TXNRD2: variants seen among roughly 807,000 people sequenced by gnomAD.
TXNRD2 encodes thioredoxin reductase 2.
Under a neutral mutation model 70.8 loss-of-function variants are expected in TXNRD2, and 67 were observed. The observed-to-expected ratio is 0.95, with a 90% CI of 0.78 to 1.16. TXNRD2 has a LOEUF of 1.16. TXNRD2 is among the 50% of genes most tolerant of loss of function. The pLI is 0.00. For synonymous variants in TXNRD2, 301 were observed against 295.8 expected (o/e 1.02, Z -0.18); for missense variants, 644 against 719.9 (o/e 0.89, Z 1.21).
chr22:19,940,266 A>AAC (rs35958727), intron 1 of TXNRD2, among the ~76,000 whole-genome samples: 1 of 147,894 alleles, frequency 6.8e-6, no homozygotes, highest in Non-Finnish European at 1.5e-5. Context: ...AAAAAAAAAA[A>AAC]CCCCAAAAAA....
At chr22:19,905,141 G>T (rs767237182) in intron 8 of TXNRD2, among the ~76,000 whole-genome samples, 3 of 152,006 alleles carry the variant, frequency 2.0e-5, no homozygotes, top group Non-Finnish European at 4.4e-5. Context: ...CATTAACAGC[G>T]CCGGACAAAA....
intron 2 of TXNRD2, among the ~76,000 whole-genome samples, chr22:19,925,015 T>A (rs565811044): frequency 4.1e-5 from 6 of 148,138 alleles, no homozygotes; most frequent in Admixed American, 6.7e-5. Flanking sequence ...CCAGGCATGG[T>A]GGCTCACGCC....
intron 5 of TXNRD2, among the ~76,000 whole-genome samples, chr22:19,916,951 C>G (rs1362139614): frequency 6.6e-6 from 1 of 152,162 alleles, no homozygotes; most frequent in South Asian, 2.1e-4. Context: ...AGCAAGGGTT[C>G]TGGGAAGGCT....
chr22:19,920,925 A>T (rs934071708), intron 2 of TXNRD2, among the ~76,000 whole-genome samples: 3 of 152,030 alleles, frequency 2.0e-5, no homozygotes, highest in Non-Finnish European at 4.4e-5. Flanking sequence ...ACACGGTGAA[A>T]CCCTGTCTCT....
At chr22:19,888,601 A>T (rs1051224712) in intron 11 of TXNRD2, among the ~76,000 whole-genome samples, 14 of 152,244 alleles carry the variant, frequency 9.2e-5, no homozygotes, top group Admixed American at 8.5e-4. Context: ...TGATCCAGAC[A>T]GAGGCAGCCA....
Position 19,941,688 on chromosome 22 carries a change from G to T in TXNRD2, c.103+13C>A. 1 of 1,477,298 alleles carries T rather than the reference G, an allele frequency of 6.8e-7. No homozygotes were observed. Among genetic ancestry groups the T allele is most frequent in the Admixed American group, 2.3e-5 (1 of 42,708 alleles). 91.5% of individuals were successfully genotyped at this position (1,477,298 alleles called of 1,614,324 possible). A position where few individuals can be genotyped will look rare whatever the true frequency, so the allele number is the denominator to read the frequency against. On this transcript the variant is annotated intron_variant, in intron 1 of 17. Transcript: ENST00000400521. ...CGGACACCTACCGCGGGGACGCCCCGACCCCATCCTACCTGCTGCGCCCCG... is the reference window on the plus strand; with the variant it reads ...CGGACACCTACCGCGGGGACGCCCCTACCCCATCCTACCTGCTGCGCCCCG...
At chr22:19,897,071 GCT>G (rs1569082435) in intron 10 of TXNRD2, among the ~76,000 whole-genome samples, 1 of 152,118 alleles carries the variant, frequency 6.6e-6, no homozygotes, top group African/African-American at 2.4e-5. Flanking sequence ...ACATCTGAAG[GCT>G]CTGAGGCCTT....
At chr22:19,878,235 C>T (rs901489270) in intron 15 of TXNRD2, 48 bp from the exon 16 acceptor site, 9 of 1,597,016 alleles carry the variant, frequency 5.6e-6, no homozygotes, top group East Asian at 2.2e-5. Flanking sequence ...GGCTGGGTTG[C>T]GTCCACCCTG....
intron 2 of TXNRD2, among the ~76,000 whole-genome samples, chr22:19,922,249 T>A (rs1940945282): frequency 6.6e-6 from 1 of 152,204 alleles, no homozygotes; most frequent in South Asian, 2.1e-4. Flanking sequence ...GTATTCTAAC[T>A]ATTCCATACT....
At chr22:19,903,075 G>C (rs1939849601) in intron 8 of TXNRD2, 2 of 517,482 alleles carry the variant, frequency 3.9e-6, no homozygotes, top group Non-Finnish European at 7.7e-6. Context: ...CAGCAGGCTG[G>C]TGGAGCAGCC....
chr22:19,879,278 C>T (rs1006728584), intron 14 of TXNRD2, among the ~76,000 whole-genome samples: 1 of 152,148 alleles, frequency 6.6e-6, no homozygotes, highest in East Asian at 1.9e-4. Flanking sequence ...CCCCAAAGGC[C>T]GCAGGCCCCA....
At chr22:19,886,236 G>A (rs1173942591) in intron 11 of TXNRD2, among the ~76,000 whole-genome samples, 2 of 152,264 alleles carry the variant, frequency 1.3e-5, no homozygotes, top group African/African-American at 2.4e-5. Flanking sequence ...CTGGGAGTGG[G>A]TGCAGGGAAG....
chr22:19,939,993 C>A (rs945944237), intron 1 of TXNRD2, among the ~76,000 whole-genome samples: 2 of 152,090 alleles, frequency 1.3e-5, no homozygotes, highest in African/African-American at 4.8e-5. Flanking sequence ...CCTGTAATCC[C>A]AGCACTTTGG....
At chr22:19,907,180 C>T (rs1336869142) in intron 8 of TXNRD2, among the ~76,000 whole-genome samples, 14 of 72,766 alleles carry the variant, frequency 1.9e-4, no homozygotes, top group Admixed American at 4.0e-4. Flanking sequence ...GTGGGCGCAC[C>T]ATGAGTAGCA....
At chr22:19,903,249 C>T (rs1481660838) in intron 8 of TXNRD2, among the ~76,000 whole-genome samples, 2 of 152,270 alleles carry the variant, frequency 1.3e-5, no homozygotes, top group Admixed American at 1.3e-4. Context: ...GCAGCAGGAA[C>T]AGGCAGACCC....
At position 19,877,033 on chromosome 22, in the gene TXNRD2, T is replaced by G; in HGVS notation, c.*65+7A>C. 1.3e-6 allele frequency: 2 copies of G among 1,531,582 alleles called. No homozygotes were observed. The highest frequency in any genetic ancestry group is 1.8e-6 in the Non-Finnish European group (2 of 1,129,798). The allele number at this position is 1,531,582 out of a possible 1,614,324, so 94.9% of individuals were successfully genotyped here. A position where few individuals can be genotyped will look rare whatever the true frequency, so the allele number is the denominator to read the frequency against. ...GTCCTCAAACAGAGCCAGCCCCACC[T>G]GCATACCTGGGTCTGGCCTCCGAGG... On this transcript the variant is annotated splice_region_variant and intron_variant, in intron 17 of 17. Coordinates refer to ENST00000400521, the MANE Select transcript of TXNRD2 (RefSeq NM_006440.5).
At chr22:19,923,794 C>A (rs1290092014) in intron 2 of TXNRD2, among the ~76,000 whole-genome samples, 5 of 144,112 alleles carry the variant, frequency 3.5e-5, no homozygotes, top group African/African-American at 1.3e-4. Context: ...AAGAGTGAAA[C>A]TATGTCTCAA....
At chr22:19,893,968 T>G (rs766130061) in intron 11 of TXNRD2, 4 of 152,176 alleles carry the variant, frequency 2.6e-5, no homozygotes, top group Non-Finnish European at 4.4e-5. Context: ...TGCACACCCA[T>G]GTTCACAGCA....
intron 1 of TXNRD2, among the ~76,000 whole-genome samples, chr22:19,934,502 T>C (rs1316375795): frequency 6.6e-6 from 1 of 151,332 alleles, no homozygotes; most frequent in Non-Finnish European, 1.5e-5. Flanking sequence ...GGAACATAAA[T>C]AGTGAAGATT....
Sources: gnomAD v4.1 joint callset for allele counts (sites outside exome capture counted in the v4.1 genomes callset) on GRCh38, gnomAD v4.1.1 for gene constraint, MANE v1.5 for transcripts, NCBI Gene and HGNC (gene_info 2026-07-23, HGNC 2026-07-21) for gene names.